Variants in ARHGAP29 observed in about 807,000 individuals in gnomAD.
ARHGAP29 encodes the protein rho GTPase-activating protein 29.
A neutral mutation model predicts 122.6 loss-of-function variants in ARHGAP29; 43 were observed. That is an observed-to-expected ratio of 0.35 (90% CI 0.27 to 0.45). The LOEUF (loss-of-function observed/expected upper bound fraction) is 0.45, where lower values mean the gene tolerates loss of function less well. Ranked by LOEUF, ARHGAP29 falls within the 20% of genes least tolerant of loss-of-function variation. The probability of loss-of-function intolerance (pLI) is 1.00; values close to 1 mark genes in which losing one functional copy is unlikely to be tolerated. For missense variants in ARHGAP29, 1,303 were observed against 1,477.2 expected (o/e 0.88, Z 1.93); for synonymous variants, 506 against 497.1 (o/e 1.02, Z -0.24).
At chr1:94,265,020 C>G (rs1002440346) in intron 1 of ARHGAP29, among the ~76,000 whole-genome samples, 1 of 152,156 alleles carries the variant, frequency 6.6e-6, no homozygotes, top group Non-Finnish European at 1.5e-5. Flanking sequence ...ACTGATACTT[C>G]AAGACTTTGC....
At chr1:94,189,814 A>G in intron 13 of ARHGAP29, 112 bp downstream of exon 13, 1 of 1,024,418 alleles carries the variant, frequency 9.8e-7, no homozygotes, top group Admixed American at 2.7e-5. Context: ...TAAAGAACTC[A>G]GAAAATTTTT....
chr1:94,285,818 T>G, the ARHGAP29 span, among the ~76,000 whole-genome samples: 5 of 138,418 alleles, frequency 3.6e-5, no homozygotes, highest in Non-Finnish European at 7.5e-5. Flanking sequence ...GAGGTTGCAG[T>G]GAGCCAAGAT....
the ARHGAP29 span, among the ~76,000 whole-genome samples, chr1:94,306,331 A>C: frequency 6.6e-6 from 1 of 152,222 alleles, no homozygotes; most frequent in African/African-American, 2.4e-5. Flanking sequence ...ATTCGCAGAG[A>C]GAGAAAATGT....
At chr1:94,218,736 T>A (rs1164780441) in intron 3 of ARHGAP29, among the ~76,000 whole-genome samples, 1 of 152,202 alleles carries the variant, frequency 6.6e-6, no homozygotes, top group Non-Finnish European at 1.5e-5. Context: ...TTTTTTTCAG[T>A]GTTTGAAATA....
intron 1 of ARHGAP29, among the ~76,000 whole-genome samples, chr1:94,267,421 T>C (rs549017410): frequency 6.6e-6 from 1 of 152,316 alleles, no homozygotes; most frequent in South Asian, 2.1e-4. Flanking sequence ...GACTGTCAAA[T>C]CCTATTTTCA....
intron 1 of ARHGAP29, among the ~76,000 whole-genome samples, chr1:94,244,782 T>C (rs898944864): frequency 1.4e-4 from 22 of 152,026 alleles, no homozygotes. Flanking sequence ...ACAAAAAAAT[T>C]TAAAACTTCT....
At chr1:94,185,221 T>C in intron 17 of ARHGAP29, 121 bp downstream of exon 17, 2 of 1,230,432 alleles carry the variant, frequency 1.6e-6, no homozygotes, top group South Asian at 1.7e-5. Flanking sequence ...TTATAGAAGG[T>C]GTACTGTAGT....
At chr1:94,246,916 G>A (rs1229902384) in intron 1 of ARHGAP29, among the ~76,000 whole-genome samples, 2 of 152,050 alleles carry the variant, frequency 1.3e-5, no homozygotes, top group Non-Finnish European at 2.9e-5. Context: ...TGAGTGGGGA[G>A]AGAGAAGGGG....
intron 21 of ARHGAP29, 47 bp from the exon 22 acceptor site, chr1:94,177,767 C>T (rs1296121721): frequency 6.3e-7 from 1 of 1,574,982 alleles, no homozygotes; most frequent in Non-Finnish European, 8.7e-7. Flanking sequence ...AAAACATAAC[C>T]TCAAAATAAA....
Position 94,202,944 on chromosome 1 carries a change from GCT to G in ARHGAP29, c.926_927del (p.Glu309AlafsTer8), listed in dbSNP as rs1557858013. On this transcript the variant is annotated frameshift_variant, in exon 10 of 23. Coordinates refer to ENST00000260526, the MANE Select transcript of ARHGAP29 (RefSeq NM_004815.4). LOFTEE classifies it high-confidence loss of function. ...EMEKQRKEIK[E>X]LWKQEQNKML... Reference sequence around the variant, plus strand: ...ATTTTATTTTGCTCCTGTTTCCAAAGCTCTTTTATTTCTTTCCTTTGTTTTTC... The same window carrying G: ...ATTTTATTTTGCTCCTGTTTCCAAAGCTTTTATTTCTTTCCTTTGTTTTTC... 1.2e-6 allele frequency: 2 copies of G among 1,608,686 alleles called. No individual in the cohort carries two copies. The highest frequency in any genetic ancestry group is 1.7e-6 in the Non-Finnish European group (2 of 1,178,804).
rs376110305 is a variant in ARHGAP29, at chr1:94,189,371, C to T, written c.1440-19G>A. ...TACATTTCTGAAACAACAACAATGA[C>T]AAAAAACAAAACTCAACACTCCAAA... On this transcript the variant is annotated intron_variant, in intron 13 of 22. Transcript: ENST00000260526. 101 of 1,591,134 alleles carry T rather than the reference C, an allele frequency of 6.3e-5. No individual in the cohort carries two copies. The highest frequency in any genetic ancestry group is 8.5e-5 in the Non-Finnish European group (100 of 1,170,862).
chr1:94,237,623 A>ACCGC (rs1209524757), upstream of ARHGAP29: 6 of 986,178 alleles, frequency 6.1e-6, no homozygotes, highest in African/African-American at 7.0e-5. Context: ...CCACGGCCGC[A>ACCGC]CCGCCCGCCC....
Position 94,174,639 on chromosome 1 carries a change from C to G in ARHGAP29, c.3016G>C (p.Val1006Leu). 6.2e-7 allele frequency: 1 copy of G among 1,614,082 alleles called. No individual in the cohort carries two copies. Among genetic ancestry groups the G allele is most frequent in the Non-Finnish European group, 8.5e-7 (1 of 1,180,014 alleles). ...TTGGTCCTTGGAGTATGCCTCTCCA[C>G]ATTGTTTGTTGACCTATCAGATTTC... ...SLKSDRSTNN[V>L]ERHTPRTKIR... is the part of the protein sequence containing the mutation. Residue 1006 changes from valine to leucine, a missense_variant, in exon 23 of 23, where the codon GTG becomes CTG. Transcript: ENST00000260526.
At chr1:94,265,103 A>C (rs1481571104) in intron 1 of ARHGAP29, among the ~76,000 whole-genome samples, 1 of 151,870 alleles carries the variant, frequency 6.6e-6, no homozygotes, top group African/African-American at 2.4e-5. Flanking sequence ...ATCTTAACGA[A>C]CTCTATTCCA....
chr1:94,217,115 A>C (rs1651993617), intron 3 of ARHGAP29, among the ~76,000 whole-genome samples: 1 of 152,236 alleles, frequency 6.6e-6, no homozygotes. Flanking sequence ...CCCTGATTCT[A>C]AAGTTATTCT....
At chr1:94,235,126 C>T (rs1205517704) in intron 1 of ARHGAP29, among the ~76,000 whole-genome samples, 2 of 152,080 alleles carry the variant, frequency 1.3e-5, no homozygotes, top group Non-Finnish European at 2.9e-5. Context: ...CTATCTCTAG[C>T]CAGCATTATA....
intron 2 of ARHGAP29, among the ~76,000 whole-genome samples, chr1:94,225,633 A>G (rs1652567904): frequency 6.6e-6 from 1 of 152,094 alleles, no homozygotes; most frequent in Non-Finnish European, 1.5e-5. Flanking sequence ...CTGAAAATGA[A>G]GCAGTCATTC....
chr1:94,200,656 G>T (rs147861602), intron 12 of ARHGAP29, among the ~76,000 whole-genome samples: 1 of 152,166 alleles, frequency 6.6e-6, no homozygotes, highest in Non-Finnish European at 1.5e-5. Context: ...TCCAACTAGT[G>T]AATGGATAAA....
Position 94,190,085 on chromosome 1 carries a change from T to C in ARHGAP29, c.1282-2A>G. On this transcript the variant is annotated splice_acceptor_variant, in intron 12 of 22. Transcript: ENST00000260526. LOFTEE classifies it high-confidence loss of function. ...CATGTGGAAGAGGTTAACTGTTACCTATGGACCCAGAGACAAAAGGCAGAG... is the reference window on the plus strand; with the variant it reads ...CATGTGGAAGAGGTTAACTGTTACCCATGGACCCAGAGACAAAAGGCAGAG... 6.2e-7 allele frequency: 1 copy of C among 1,612,268 alleles called. No individual in the cohort carries two copies. The highest frequency in any genetic ancestry group is 8.5e-7 in the Non-Finnish European group (1 of 1,179,042).
Sources: gnomAD v4.1 joint callset for allele counts (sites outside exome capture counted in the v4.1 genomes callset) on GRCh38, gnomAD v4.1.1 for gene constraint, MANE v1.5 for transcripts, NCBI Gene and HGNC (gene_info 2026-07-23, HGNC 2026-07-21) for gene names.